The following OCM variants were observed in gnomAD, a reference collection of about 807,000 sequenced individuals.
OCM encodes oncomodulin-1.
Under a neutral mutation model 14.1 loss-of-function variants are expected in OCM, and 18 were observed. The ratio of observed to expected loss-of-function variants is 1.28; its 90% confidence interval spans 0.88 to 1.89. OCM has a LOEUF of 1.89. OCM is among the 40% of genes most tolerant of loss of function. The pLI is 0.00. For synonymous variants in OCM, 48 were observed against 51.0 expected (o/e 0.94, Z 0.25); for missense variants, 140 against 137.6 (o/e 1.02, Z -0.09).
the OCM span, among the ~76,000 whole-genome samples, chr7:5,861,844 A>T: frequency 1.3e-5 from 2 of 151,988 alleles, no homozygotes; most frequent in Admixed American, 6.6e-5. Context: ...CTCCCAAAGC[A>T]TTGAAATTGC....
chr7:5,877,006 A>G (rs1781108812), upstream of OCM, among the ~76,000 whole-genome samples: 1 of 152,054 alleles, frequency 6.6e-6, no homozygotes. Context: ...GGGTTTCTCC[A>G]CGTGGGTCAG....
rs1781335352 is a variant in OCM at position 5,886,257 on chromosome 7, C to A, written c.*168C>A. ...TAGTGAGGTCACGAGGGAGTCACTCCTGACTTTCTTGGTGGTGGGTATATG... is the reference window on the plus strand; with the variant it reads ...TAGTGAGGTCACGAGGGAGTCACTCATGACTTTCTTGGTGGTGGGTATATG... On this transcript the variant is annotated 3_prime_UTR_variant, in exon 4 of 4. Transcript: ENST00000242104. The A allele has an allele frequency of 4.2e-6, 4 of 960,266 alleles. No individual in the cohort carries two copies. The highest frequency in any genetic ancestry group is 6.2e-6 in the Non-Finnish European group (4 of 640,342). 59.5% of individuals were successfully genotyped at this position (960,266 alleles called of 1,614,324 possible). A position where few individuals can be genotyped will look rare whatever the true frequency, so the allele number is the denominator to read the frequency against.
chr7:5,869,853 A>G, the OCM span, among the ~76,000 whole-genome samples: 2 of 152,174 alleles, frequency 1.3e-5, no homozygotes, highest in East Asian at 3.9e-4. Flanking sequence ...TGAAGCATTC[A>G]TACCCTTGCT....
At position 5,883,889 on chromosome 7, in the gene OCM, G is replaced by A; in HGVS notation, c.195-1G>A. 1 of 1,612,440 alleles carries A rather than the reference G, an allele frequency of 6.2e-7. No individual in the cohort carries two copies. The highest frequency in any genetic ancestry group is 1.1e-5 in the South Asian group (1 of 90,912). On this transcript the variant is annotated splice_acceptor_variant, in intron 2 of 3. Transcript: ENST00000242104. LOFTEE classifies it high-confidence loss of function. Reference sequence around the variant, plus strand: ...CCCCATGGATCTTTATTATCCTGTAGGTTTTTCCTCCAGAAGTTTGAGAGT... The same window carrying A: ...CCCCATGGATCTTTATTATCCTGTAAGTTTTTCCTCCAGAAGTTTGAGAGT...
At chr7:5,868,756 A>T in the OCM span, among the ~76,000 whole-genome samples, 1 of 152,082 alleles carries the variant, frequency 6.6e-6, no homozygotes, top group Non-Finnish European at 1.5e-5. Context: ...AGAAAGTCAG[A>T]CCAGTACTCA....
intron 3 of OCM, among the ~76,000 whole-genome samples, chr7:5,884,991 G>C (rs1461776850): frequency 3.3e-5 from 5 of 151,932 alleles, no homozygotes; most frequent in African/African-American, 4.8e-5. Context: ...ATGGTGGTGG[G>C]CACCTGTAAT....
At chr7:5,866,531 C>G in the OCM span, among the ~76,000 whole-genome samples, 2 of 151,934 alleles carry the variant, frequency 1.3e-5, no homozygotes, top group African/African-American at 2.4e-5. Flanking sequence ...GTTGAATTTC[C>G]TGCCTCCTTG....
chr7:5,878,997 A>G (rs1781154853), upstream of OCM, among the ~76,000 whole-genome samples: 1 of 151,838 alleles, frequency 6.6e-6, no homozygotes, highest in South Asian at 2.1e-4. Flanking sequence ...CCTAGGCAAC[A>G]TGGCAAAACC....
chr7:5,867,728 T>C, the OCM span, among the ~76,000 whole-genome samples: 1 of 151,740 alleles, frequency 6.6e-6, no homozygotes, highest in Non-Finnish European at 1.5e-5. Flanking sequence ...TCTATTGTGA[T>C]GTGGGGGTGT....
At chr7:5,866,377 GAAA>G in the OCM span, among the ~76,000 whole-genome samples, 1 of 54,590 alleles carries the variant, frequency 1.8e-5, no homozygotes, top group African/African-American at 2.1e-4. Context: ...AGGGAGGGAG[GAAA>G]GGAGGAAGAG....
At chr7:5,881,934 A>G (rs1214685645) in intron 1 of OCM, among the ~76,000 whole-genome samples, 1 of 151,738 alleles carries the variant, frequency 6.6e-6, no homozygotes, top group African/African-American at 2.4e-5. Context: ...TAAAAATACA[A>G]AAATGAGCTG....
At chr7:5,870,838 A>C in the OCM span, among the ~76,000 whole-genome samples, 25 of 152,250 alleles carry the variant, frequency 1.6e-4, no homozygotes, top group East Asian at 4.8e-3. Flanking sequence ...TACAAAATTA[A>C]CTGTCACAAC....
At chr7:5,878,607 T>C (rs1040357525), upstream of OCM, among the ~76,000 whole-genome samples, 17 of 150,726 alleles carry the variant, frequency 1.1e-4, no homozygotes, top group Non-Finnish European at 2.4e-4. Flanking sequence ...ATTAGCCGGG[T>C]GTTGTGGCGG....
the OCM span, among the ~76,000 whole-genome samples, chr7:5,865,723 C>T: frequency 2.6e-5 from 4 of 152,166 alleles, no homozygotes; most frequent in South Asian, 8.3e-4. Flanking sequence ...ACATGCTCAG[C>T]TGCGACCTGG....
chr7:5,877,546 C>T (rs989500035), upstream of OCM, among the ~76,000 whole-genome samples: 3 of 150,344 alleles, frequency 2.0e-5, no homozygotes, highest in Non-Finnish European at 4.4e-5. Context: ...AGGCCAGGCC[C>T]GGCTGCTCAC....
intron 3 of OCM, 110 bp from the exon 4 acceptor site, chr7:5,885,954 C>G (rs898121157): frequency 9.2e-6 from 12 of 1,300,186 alleles, no homozygotes; most frequent in Non-Finnish European, 1.3e-5. Flanking sequence ...TGCCCATCAT[C>G]TGACAATTTT....
chr7:5,869,806 C>T, the OCM span, among the ~76,000 whole-genome samples: 4 of 152,200 alleles, frequency 2.6e-5, no homozygotes, highest in Middle Eastern at 3.4e-3. Context: ...CCTAACCTCT[C>T]GGAAGCACTC....
At chr7:5,880,019 T>G (rs1781176695), upstream of OCM, 1 of 152,200 alleles carries the variant, frequency 6.6e-6, no homozygotes, top group South Asian at 2.1e-4. Flanking sequence ...TGCATTCATA[T>G]TAGGCTCAGG....
the OCM span, among the ~76,000 whole-genome samples, chr7:5,859,843 G>A: frequency 7.3e-5 from 11 of 151,708 alleles, no homozygotes; most frequent in South Asian, 8.3e-4. Context: ...GATTACAGGC[G>A]CCCGCCTATA....
Sources: gnomAD v4.1 joint callset for allele counts (sites outside exome capture counted in the v4.1 genomes callset) on GRCh38, gnomAD v4.1.1 for gene constraint, MANE v1.5 for transcripts, NCBI Gene and HGNC (gene_info 2026-07-23, HGNC 2026-07-21) for gene names.